The following SLCO5A1 variants were observed in gnomAD, a reference collection of about 807,000 sequenced individuals.
The protein encoded by SLCO5A1 is solute carrier organic anion transporter family member 5A1, also known as organic anion transporter polypeptide-related protein 4.
Under a neutral mutation model 65.1 loss-of-function variants are expected in SLCO5A1, and 39 were observed. The ratio of observed to expected loss-of-function variants is 0.60; its 90% CI spans 0.46 to 0.78. SLCO5A1 has a LOEUF of 0.78. Among genes scored for constraint, SLCO5A1 ranks in the 30% least tolerant of loss-of-function variants. The pLI is 0.00. For synonymous variants in SLCO5A1, 438 were observed against 415.7 expected (o/e 1.05, Z -0.65); for missense variants, 1,029 against 1,069.4 (o/e 0.96, Z 0.53).
intron 5 of SLCO5A1, among the ~76,000 whole-genome samples, chr8:69,707,710 G>A (rs1769388607): frequency 6.6e-6 from 1 of 152,162 alleles, no homozygotes; most frequent in Non-Finnish European, 1.5e-5. Context: ...AAGTGGTCAG[G>A]AGGATGACCG....
chr8:69,768,665 C>T (rs1160953204), intron 2 of SLCO5A1, among the ~76,000 whole-genome samples: 1 of 152,076 alleles, frequency 6.6e-6, no homozygotes, highest in African/African-American at 2.4e-5. Context: ...GAGAGCGTTC[C>T]GGTGTCTCTT....
chr8:69,827,923 T>C (rs957810359), intron 2 of SLCO5A1, among the ~76,000 whole-genome samples: 28 of 152,202 alleles, frequency 1.8e-4, no homozygotes, highest in African/African-American at 6.8e-4. Context: ...TCTGCGCTGT[T>C]GGAAAACTCT....
intron 3 of SLCO5A1, chr8:69,761,516 A>G (rs1189412087): frequency 6.0e-6 from 3 of 502,060 alleles, no homozygotes; most frequent in East Asian, 3.7e-5. Context: ...AGAGTCCTTA[A>G]TCACATCTGC....
At chr8:69,776,292 T>G (rs1469946995) in intron 2 of SLCO5A1, among the ~76,000 whole-genome samples, 1 of 152,210 alleles carries the variant, frequency 6.6e-6, no homozygotes, top group African/African-American at 2.4e-5. Context: ...GCTATTAATT[T>G]TAATGTTTAT....
intron 2 of SLCO5A1, among the ~76,000 whole-genome samples, chr8:69,788,712 A>T (rs1266089256): frequency 6.6e-6 from 1 of 152,196 alleles, no homozygotes; most frequent in Non-Finnish European, 1.5e-5. Flanking sequence ...ATCTTGTTCA[A>T]ACAATGAATT....
chr8:69,721,413 G>A (rs777411810), intron 5 of SLCO5A1, among the ~76,000 whole-genome samples: 4 of 152,124 alleles, frequency 2.6e-5, no homozygotes, highest in Admixed American at 6.5e-5. Context: ...TAACTACCTC[G>A]TGTTATAGAT....
At chr8:69,785,501 A>C (rs1819013160) in intron 2 of SLCO5A1, among the ~76,000 whole-genome samples, 1 of 152,188 alleles carries the variant, frequency 6.6e-6, no homozygotes, top group Non-Finnish European at 1.5e-5. Flanking sequence ...GAAGAAGAGA[A>C]TGAATACTTA....
At chr8:69,692,264 A>G (rs1027689665) in intron 6 of SLCO5A1, among the ~76,000 whole-genome samples, 2 of 152,208 alleles carry the variant, frequency 1.3e-5, no homozygotes, top group African/African-American at 4.8e-5. Context: ...ATAAAAAAGT[A>G]TAAAAAATAA....
intron 7 of SLCO5A1, among the ~76,000 whole-genome samples, chr8:69,680,643 C>T (rs1813729544): frequency 6.6e-6 from 1 of 152,192 alleles, no homozygotes; most frequent in South Asian, 2.1e-4. Context: ...CTTTTGGATA[C>T]ATACACAGGA....
chr8:69,821,914 G>T (rs992338915), intron 2 of SLCO5A1, among the ~76,000 whole-genome samples: 1 of 152,100 alleles, frequency 6.6e-6, no homozygotes, highest in Admixed American at 6.5e-5. Context: ...GTCAACTGTG[G>T]ACAGGAGCTA....
At chr8:69,674,643 T>C (rs955620843) in intron 9 of SLCO5A1, among the ~76,000 whole-genome samples, 2 of 152,110 alleles carry the variant, frequency 1.3e-5, no homozygotes, top group Non-Finnish European at 2.9e-5. Flanking sequence ...GTAGCATACA[T>C]CTGTTGACTC....
chr8:69,797,211 G>A (rs1190575990), intron 2 of SLCO5A1, among the ~76,000 whole-genome samples: 1 of 152,104 alleles, frequency 6.6e-6, no homozygotes, highest in Non-Finnish European at 1.5e-5. Flanking sequence ...AACATAAATT[G>A]TGAAGATTTC....
At chr8:69,790,054 A>G (rs1023902346) in intron 2 of SLCO5A1, among the ~76,000 whole-genome samples, 1 of 151,890 alleles carries the variant, frequency 6.6e-6, no homozygotes, top group African/African-American at 2.4e-5. Flanking sequence ...TTAGCTGGGC[A>G]TGGTGGTGGA....
intron 2 of SLCO5A1, among the ~76,000 whole-genome samples, chr8:69,766,222 G>C (rs1402026571): frequency 6.6e-6 from 1 of 152,086 alleles, no homozygotes; most frequent in East Asian, 1.9e-4. Flanking sequence ...TCCCTACAAT[G>C]TATGTCAACA....
intron 6 of SLCO5A1, among the ~76,000 whole-genome samples, chr8:69,698,023 C>T (rs1050883917): frequency 6.6e-6 from 1 of 152,148 alleles, no homozygotes; most frequent in Non-Finnish European, 1.5e-5. Context: ...TTCCCACCCT[C>T]CAGTGTTGAC....
intron 2 of SLCO5A1, among the ~76,000 whole-genome samples, chr8:69,806,808 G>A (rs1820011502): frequency 6.6e-6 from 1 of 152,228 alleles, no homozygotes; most frequent in African/African-American, 2.4e-5. Context: ...AAGACCTCGG[G>A]AGCTTCTGGA....
At chr8:69,722,849 T>C (rs1815888718) in intron 5 of SLCO5A1, among the ~76,000 whole-genome samples, 1 of 152,030 alleles carries the variant, frequency 6.6e-6, no homozygotes, top group South Asian at 2.1e-4. Context: ...TGTGAATATA[T>C]ACATACATAT....
At chr8:69,819,524 C>T (rs1820548734) in intron 2 of SLCO5A1, among the ~76,000 whole-genome samples, 1 of 152,156 alleles carries the variant, frequency 6.6e-6, no homozygotes, top group Non-Finnish European at 1.5e-5. Context: ...CCATGTGCTC[C>T]CTTTGTCATA....
At chr8:69,747,623 G>C (rs143524394) in intron 4 of SLCO5A1, among the ~76,000 whole-genome samples, 1,562 of 152,286 alleles carry the variant, frequency 0.01, 10 homozygotes, top group Middle Eastern at 0.024. Flanking sequence ...TTATATCAGA[G>C]ACTTGAGCAT....
Sources: allele counts gnomAD v4.1 joint callset (sites outside exome capture counted in the v4.1 genomes callset), GRCh38; gene constraint gnomAD v4.1.1; transcripts MANE v1.5; gene names NCBI Gene and HGNC (gene_info 2026-07-23, HGNC 2026-07-21).